The following SHTN1 variants were observed in gnomAD, a reference collection of about 807,000 sequenced individuals.
SHTN1 encodes shootin-1.
In SHTN1, 42 loss-of-function variants were observed where a neutral mutation model predicts 83.1. That is an observed-to-expected ratio of 0.51 (90% confidence interval 0.39 to 0.65). SHTN1 has a LOEUF of 0.65. Ranked by LOEUF, SHTN1 falls within the 30% of genes least tolerant of loss-of-function variation. The pLI, the probability that SHTN1 is intolerant of heterozygous loss-of-function variation, is 0.00. For synonymous variants in SHTN1, 224 were observed against 247.7 expected (o/e 0.90, Z 0.90); for missense variants, 622 against 737.8 (o/e 0.84, Z 1.82).
chr10:116,940,607 G>A lies in SHTN1; in HGVS notation c.717C>T (p.Phe239=). ...KKAESFAQEM[F]IEQNKLKRQS... Reference sequence around the variant, plus strand: ...GTCTCTTTAGCTTGTTTTGCTCAATGAACATCTGCAAAAGTTTGTTACAAG... The same window carrying A: ...GTCTCTTTAGCTTGTTTTGCTCAATAAACATCTGCAAAAGTTTGTTACAAG... Residue 239 remains phenylalanine, a synonymous_variant, in exon 9 of 17, where the codon TTC becomes TTT. Transcript: ENST00000355371. The A allele has an allele frequency of 6.2e-7, 1 of 1,601,296 alleles. No homozygotes were observed. The highest frequency in any genetic ancestry group is 8.5e-7 in the Non-Finnish European group (1 of 1,172,652).
At chr10:116,979,934 G>C (rs1271940554) in intron 1 of SHTN1, among the ~76,000 whole-genome samples, 1 of 152,192 alleles carries the variant, frequency 6.6e-6, no homozygotes, top group Non-Finnish European at 1.5e-5. Context: ...ACTATTTTCA[G>C]ACAAGATTGT....
chr10:116,937,796 C>T (rs1849228759), intron 9 of SHTN1, among the ~76,000 whole-genome samples: 1 of 152,084 alleles, frequency 6.6e-6, no homozygotes, highest in South Asian at 2.1e-4. Context: ...CTTTCCAGTA[C>T]ACCAATCAAA....
At chr10:116,930,096 T>C in intron 9 of SHTN1, 94 bp from the exon 10 acceptor site, 1 of 759,204 alleles carries the variant, frequency 1.3e-6, no homozygotes. Flanking sequence ...TCCCTTTGAC[T>C]GTACTTCATA....
intron 16 of SHTN1, among the ~76,000 whole-genome samples, chr10:116,896,801 C>CTTTT (rs1230730641): frequency 9.9e-5 from 12 of 121,712 alleles, no homozygotes; most frequent in African/African-American, 1.9e-4. Context: ...TGATCAGGTA[C>CTTTT]TTTTTTTTTT....
chr10:116,997,170 C>G (rs1178851416), intron 1 of SHTN1, among the ~76,000 whole-genome samples: 1 of 152,238 alleles, frequency 6.6e-6, no homozygotes, highest in African/African-American at 2.4e-5. Flanking sequence ...GCAGAGAAAT[C>G]TGCGAGTAGA....
intron 1 of SHTN1, among the ~76,000 whole-genome samples, chr10:117,075,422 A>G (rs1361899215): frequency 1.3e-5 from 2 of 152,210 alleles, no homozygotes; most frequent in Admixed American, 1.3e-4. Flanking sequence ...ATTATTTACC[A>G]AATAAATACC....
In SHTN1 at chr10:116,901,536, C is replaced by T. The variant is rs575708645; in HGVS notation, c.1673+229G>A. The stretch of plus-strand genomic sequence containing the variant: ...GTGTAGAAGAACCTGATTACCAAAC[C>T]AGTTTAGGGGAAGTAATTCTCTTTG... On this transcript the variant is annotated intron_variant, in intron 16 of 16. Coordinates refer to ENST00000355371, the MANE Select transcript of SHTN1 (RefSeq NM_001127211.3). The T allele has an allele frequency of 2.5e-4, 249 of 985,278 alleles. 1 individual carries two copies. Among genetic ancestry groups the T allele is most frequent in the Admixed American group, 8.0e-4 (13 of 16,262 alleles). The allele number at this position is 985,278 out of a possible 1,614,324, so 61.0% of individuals were successfully genotyped here.
At chr10:116,923,398 T>C (rs982423429) in intron 11 of SHTN1, among the ~76,000 whole-genome samples, 1 of 152,188 alleles carries the variant, frequency 6.6e-6, no homozygotes, top group Non-Finnish European at 1.5e-5. Context: ...GTCCTCAGTG[T>C]GGTGAACTGT....
chr10:117,060,177 C>G (rs1852880069), intron 1 of SHTN1, among the ~76,000 whole-genome samples: 1 of 152,126 alleles, frequency 6.6e-6, no homozygotes, highest in Non-Finnish European at 1.5e-5. Context: ...GGCAAAATTA[C>G]ATGCCACTGC....
chr10:117,021,487 G>T (rs921861164), intron 2 of SHTN1, among the ~76,000 whole-genome samples: 7 of 152,012 alleles, frequency 4.6e-5, no homozygotes, highest in African/African-American at 1.7e-4. Flanking sequence ...AATGTAAAAT[G>T]GTATATGCAT....
intron 1 of SHTN1, among the ~76,000 whole-genome samples, chr10:117,063,312 G>A (rs921648511): frequency 4.6e-5 from 7 of 152,194 alleles, no homozygotes; most frequent in Admixed American, 3.3e-4. Flanking sequence ...CTTTAGAAGT[G>A]AAGTGGATCT....
At position 116,886,292 on chromosome 10, in the gene SHTN1, CAT is replaced by C. The variant is rs1847160156; in HGVS notation, c.*50_*51del. On this transcript the variant is annotated 3_prime_UTR_variant, in exon 17 of 17. Coordinates refer to ENST00000355371, the MANE Select transcript of SHTN1 (RefSeq NM_001127211.3). ...CCCTTGCCAATATAACAACACTAAT[CAT>C]GTGCTTATTGAAAAGGACTTCCAAA... 1 of 1,550,616 alleles carries C rather than the reference CAT, an allele frequency of 6.4e-7. No individual in the cohort carries two copies. Among genetic ancestry groups the C allele is most frequent in the South Asian group, 1.2e-5 (1 of 83,956 alleles).
intron 1 of SHTN1, among the ~76,000 whole-genome samples, chr10:117,065,879 A>AAG: frequency 5.1e-5 from 1 of 19,666 alleles, no homozygotes; most frequent in African/African-American, 2.2e-4. Flanking sequence ...GGAGGGAGGG[A>AAG]GGTGGGGAGG....
intron 2 of SHTN1, among the ~76,000 whole-genome samples, chr10:117,015,789 C>T (rs1167571788): frequency 6.6e-6 from 1 of 152,202 alleles, no homozygotes. Context: ...AAATGCTCAA[C>T]AATCTTTCTA....
chr10:117,003,428 T>C (rs1034054364), intron 1 of SHTN1, among the ~76,000 whole-genome samples: 3 of 150,314 alleles, frequency 2.0e-5, no homozygotes, highest in African/African-American at 7.4e-5. Context: ...CAGCACTTTC[T>C]AGATGCTGGA....
At chr10:117,005,533 C>T (rs1851989841), upstream of SHTN1, 7 of 1,001,046 alleles carry the variant, frequency 7.0e-6, no homozygotes, top group South Asian at 8.8e-5. Context: ...GGACGCTTCC[C>T]GGGGGTCGCT....
At chr10:117,089,402 C>CA (rs1853397041) in intron 1 of SHTN1, among the ~76,000 whole-genome samples, 1 of 151,948 alleles carries the variant, frequency 6.6e-6, no homozygotes, top group Non-Finnish European at 1.5e-5. Flanking sequence ...TAAAAAGTAA[C>CA]AAAAAATCAC....
At chr10:116,937,274 T>C (rs891712911) in intron 9 of SHTN1, among the ~76,000 whole-genome samples, 2 of 152,188 alleles carry the variant, frequency 1.3e-5, no homozygotes, top group Admixed American at 1.3e-4. Context: ...CTTTACAATT[T>C]GGTATGTTTT....
At chr10:116,972,303 C>T (rs1223599378) in intron 2 of SHTN1, among the ~76,000 whole-genome samples, 1 of 152,146 alleles carries the variant, frequency 6.6e-6, no homozygotes, top group Non-Finnish European at 1.5e-5. Flanking sequence ...CCACATTATG[C>T]TAGAACTGGC....
Sources: gnomAD v4.1 joint callset for allele counts (sites outside exome capture counted in the v4.1 genomes callset) on GRCh38, gnomAD v4.1.1 for gene constraint, MANE v1.5 for transcripts, NCBI Gene and HGNC (gene_info 2026-07-23, HGNC 2026-07-21) for gene names.